Variants in STAG1 observed in about 807,000 individuals in gnomAD.
STAG1 encodes the protein cohesin subunit SA-1.
STAG1 carries 26 observed loss-of-function variants against 170.9 expected under a neutral mutation model. The observed-to-expected ratio is 0.15, with a 90% confidence interval of 0.11 to 0.21. The LOEUF (loss-of-function observed/expected upper bound fraction) is 0.21. STAG1 is among the 10% of genes least tolerant of loss of function. The probability of loss-of-function intolerance (pLI) is 1.00; values close to 1 mark genes in which losing one functional copy is unlikely to be tolerated. For synonymous variants in STAG1, 514 were observed against 497.7 expected, an observed-to-expected ratio of 1.03 and a Z score of -0.44; for missense variants, 964 against 1,509.5, an observed-to-expected ratio of 0.64 and a Z score of 5.99.
At chr3:136,654,088 T>C (rs908600929) in intron 1 of STAG1, among the ~76,000 whole-genome samples, 1 of 152,232 alleles carries the variant, frequency 6.6e-6, no homozygotes, top group African/African-American at 2.4e-5. Flanking sequence ...ATAAGAAGAA[T>C]GCCTGCTTTT....
intron 1 of STAG1, among the ~76,000 whole-genome samples, chr3:136,692,590 G>A (rs1472709560): frequency 3.3e-5 from 5 of 151,868 alleles, no homozygotes; most frequent in African/African-American, 4.8e-5. Flanking sequence ...AGCCAAGATC[G>A]TGCCACTGCA....
At chr3:136,557,387 A>G (rs1047505306) in intron 5 of STAG1, among the ~76,000 whole-genome samples, 6 of 152,328 alleles carry the variant, frequency 3.9e-5, no homozygotes, top group African/African-American at 1.2e-4. Flanking sequence ...GACTTTTCAC[A>G]CTTAAAAAAC....
intron 12 of STAG1, 75 bp downstream of exon 12, chr3:136,472,338 G>A (rs1165333778): frequency 9.9e-7 from 1 of 1,010,874 alleles, no homozygotes; most frequent in East Asian, 2.5e-5. Flanking sequence ...ACTATATATA[G>A]ATAGGACATT....
intron 21 of STAG1, among the ~76,000 whole-genome samples, chr3:136,417,212 T>C (rs567882563): frequency 6.6e-6 from 1 of 152,288 alleles, no homozygotes; most frequent in South Asian, 2.1e-4. Context: ...TTTAGAGTAA[T>C]AAGGTATCAT....
intron 1 of STAG1, among the ~76,000 whole-genome samples, chr3:136,651,035 G>A (rs1021869041): frequency 2.0e-5 from 3 of 152,004 alleles, no homozygotes; most frequent in South Asian, 2.1e-4. Flanking sequence ...ACAATGGATC[G>A]TTCTGTCAGA....
chr3:136,353,118 A>G (rs1221094791), intron 28 of STAG1, among the ~76,000 whole-genome samples: 3 of 152,204 alleles, frequency 2.0e-5, no homozygotes, highest in African/African-American at 7.2e-5. Flanking sequence ...AGCTGACAAA[A>G]GCAAGAAACA....
chr3:136,599,787 T>C (rs1396774544), intron 4 of STAG1, among the ~76,000 whole-genome samples: 1 of 152,216 alleles, frequency 6.6e-6, no homozygotes, highest in African/African-American at 2.4e-5. Flanking sequence ...GAATTTACTT[T>C]CAATTTTCGA....
Position 136,726,247 on chromosome 3 carries a change from C to T in STAG1, c.-84+25948G>A, listed in dbSNP as rs573356116. 1.9e-3 allele frequency among the ~76,000 whole-genome samples: 287 copies of T among 152,296 alleles called. 2 individuals carry two copies. Among genetic ancestry groups the T allele is most frequent in the Middle Eastern group, 0.014 (4 of 294 alleles). On this transcript the variant is annotated intron_variant, in intron 1 of 33. Transcript: ENST00000383202. Reference sequence around the variant, plus strand: ...TATCCACTGATGCCAGTAGCATACACCATCATCCCCAGGTCTCTATCCACT... The same window carrying T: ...TATCCACTGATGCCAGTAGCATACATCATCATCCCCAGGTCTCTATCCACT...
chr3:136,715,795 A>G lies in STAG1; in HGVS notation c.-84+36400T>C, dbSNP rs778452188. Among the ~76,000 whole-genome samples, 98 of 152,050 alleles carry G rather than the reference A, an allele frequency of 6.4e-4. 2 individuals carry two copies. Among genetic ancestry groups the G allele is most frequent in the Admixed American group, 1.2e-3 (18 of 15,262 alleles). ...TTTTTTTTTAAAGTATGTATAAAAC[A>G]TATATATAAACTGAAATGATGGCCA... On this transcript the variant is annotated intron_variant, in intron 1 of 33. Coordinates refer to ENST00000383202, the MANE Select transcript of STAG1 (RefSeq NM_005862.3).
chr3:136,574,608 A>G (rs1161234873), intron 4 of STAG1, among the ~76,000 whole-genome samples: 1 of 152,216 alleles, frequency 6.6e-6, no homozygotes, highest in Non-Finnish European at 1.5e-5. Flanking sequence ...TTTTATAATA[A>G]TAAAACAGTA....
intron 21 of STAG1, among the ~76,000 whole-genome samples, chr3:136,413,634 T>G (rs1462632215): frequency 6.6e-6 from 1 of 151,936 alleles, no homozygotes; most frequent in African/African-American, 2.4e-5. Flanking sequence ...AATTTTGTAT[T>G]TTTAGTAGAG....
intron 22 of STAG1, among the ~76,000 whole-genome samples, chr3:136,391,368 C>CTTTTTTTTTTTTTT (rs5852844): frequency 1.6e-5 from 2 of 124,560 alleles, no homozygotes; most frequent in Non-Finnish European, 1.6e-5. Flanking sequence ...CTTTAGCCCT[C>CTTTTTTTTTTTTTT]TTTTTTTTTT....
At chr3:136,677,963 A>T (rs1942190936) in intron 1 of STAG1, among the ~76,000 whole-genome samples, 1 of 147,154 alleles carries the variant, frequency 6.8e-6, no homozygotes, top group African/African-American at 2.5e-5. Flanking sequence ...ATATGTATAT[A>T]ATATATATAT....
chr3:136,524,607 C>T (rs1049284497), intron 6 of STAG1, among the ~76,000 whole-genome samples: 19 of 152,256 alleles, frequency 1.2e-4, no homozygotes, highest in African/African-American at 2.9e-4. Context: ...TGCCTGACTG[C>T]CCTGGCCAGA....
At chr3:136,457,677 A>G (rs2089156142) in intron 13 of STAG1, among the ~76,000 whole-genome samples, 1 of 152,230 alleles carries the variant, frequency 6.6e-6, no homozygotes. Context: ...TGTGACAAGA[A>G]AACTTCAAGG....
At chr3:136,373,351 A>T (rs1364973372) in intron 23 of STAG1, among the ~76,000 whole-genome samples, 2 of 151,860 alleles carry the variant, frequency 1.3e-5, no homozygotes, top group African/African-American at 4.8e-5. Context: ...TATTTCCTTC[A>T]GTTCTGCTCT....
At chr3:136,576,297 C>T (rs751219965) in intron 4 of STAG1, among the ~76,000 whole-genome samples, 2 of 152,138 alleles carry the variant, frequency 1.3e-5, no homozygotes, top group Non-Finnish European at 2.9e-5. Flanking sequence ...CTCACACACA[C>T]ATACATATAA....
chr3:136,620,058 C>A (rs2107827483), intron 3 of STAG1, among the ~76,000 whole-genome samples: 1 of 151,738 alleles, frequency 6.6e-6, no homozygotes, highest in Admixed American at 6.6e-5. Context: ...AGAGTGAGAT[C>A]CTGTCTCAAA....
chr3:136,537,505 G>GTTTTTTTTTTTTTTTT (rs112443777), intron 6 of STAG1, among the ~76,000 whole-genome samples: 4 of 131,874 alleles, frequency 3.0e-5, no homozygotes, highest in Non-Finnish European at 6.5e-5. Context: ...TTTTTTTTTT[G>GTTTTTTTTTTTTTTTT]TTTTTTTTTT....
Sources: gnomAD v4.1 joint callset for allele counts (sites outside exome capture counted in the v4.1 genomes callset) on GRCh38, gnomAD v4.1.1 for gene constraint, MANE v1.5 for transcripts, NCBI Gene and HGNC (gene_info 2026-07-23, HGNC 2026-07-21) for gene names.